PRIM2: variants seen among roughly 807,000 people sequenced by gnomAD.
PRIM2 encodes DNA primase large subunit.
PRIM2 carries 39 observed loss-of-function variants against 67.3 expected under a neutral mutation model. The ratio of observed to expected loss-of-function variants is 0.58; its 90% CI spans 0.45 to 0.76. The LOEUF is 0.76. Ranked by LOEUF, PRIM2 falls within the 30% of genes least tolerant of loss-of-function variation. The pLI is 0.00. For missense variants in PRIM2, 398 were observed against 598.7 expected, an observed-to-expected ratio of 0.66 and a Z score of 3.50; for synonymous variants, 143 against 198.7, an observed-to-expected ratio of 0.72 and a Z score of 2.36.
chr6:57,559,585 A>C (rs1382615493), intron 10 of PRIM2, among the ~76,000 whole-genome samples: 1 of 152,168 alleles, frequency 6.6e-6, no homozygotes, highest in Non-Finnish European at 1.5e-5. Context: ...AGTACATAGG[A>C]TACTTGACGG....
the PRIM2 span, among the ~76,000 whole-genome samples, chr6:57,274,176 C>T: frequency 1.3e-5 from 2 of 152,236 alleles, no homozygotes; most frequent in Admixed American, 6.5e-5. Flanking sequence ...ACATTTATGT[C>T]TGCAGAGGTT....
At chr6:57,567,785 T>A (rs2127480410) in intron 10 of PRIM2, among the ~76,000 whole-genome samples, 1 of 152,150 alleles carries the variant, frequency 6.6e-6, no homozygotes, top group East Asian at 1.9e-4. Flanking sequence ...GGGGGAGATT[T>A]TTTATAGACA....
At chr6:57,571,254 TATTATC>T (rs1775857611) in intron 10 of PRIM2, among the ~76,000 whole-genome samples, 1 of 152,174 alleles carries the variant, frequency 6.6e-6, no homozygotes, top group Non-Finnish European at 1.5e-5. Flanking sequence ...TTCTTTAAAT[TATTATC>T]AAAGCAAAAG....
intron 10 of PRIM2, among the ~76,000 whole-genome samples, chr6:57,562,092 C>G (rs1340037994): frequency 6.6e-6 from 1 of 152,058 alleles, no homozygotes; most frequent in Non-Finnish European, 1.5e-5. Context: ...AGTTTGCTGT[C>G]TTAGGTGGGT....
At chr6:57,517,031 A>G (rs1774501477) in intron 8 of PRIM2, among the ~76,000 whole-genome samples, 2 of 152,154 alleles carry the variant, frequency 1.3e-5, no homozygotes, top group Non-Finnish European at 2.9e-5. Flanking sequence ...TCTGACTCCA[A>G]AGTTTCTCAG....
chr6:57,237,730 G>A, the PRIM2 span, among the ~76,000 whole-genome samples: 1 of 152,110 alleles, frequency 6.6e-6, no homozygotes, highest in Non-Finnish European at 1.5e-5. Context: ...AGTTGCAGAT[G>A]TGTGGTATTA....
chr6:57,229,212 A>C, the PRIM2 span, among the ~76,000 whole-genome samples: 1 of 152,156 alleles, frequency 6.6e-6, no homozygotes, highest in Non-Finnish European at 1.5e-5. Flanking sequence ...TGGAACTCCT[A>C]TTAAGAGAGG....
chr6:57,603,166 A>G (rs1776500769), intron 11 of PRIM2, among the ~76,000 whole-genome samples: 1 of 151,878 alleles, frequency 6.6e-6, no homozygotes, highest in African/African-American at 2.4e-5. Flanking sequence ...TACACGTTAT[A>G]CCTTTTATAG....
chr6:57,283,611 G>A, the PRIM2 span, among the ~76,000 whole-genome samples: 3 of 151,932 alleles, frequency 2.0e-5, no homozygotes, highest in African/African-American at 7.3e-5. Context: ...CTTTTTTTCA[G>A]CCTCAACTCT....
At chr6:57,234,229 G>C in the PRIM2 span, among the ~76,000 whole-genome samples, 3 of 152,122 alleles carry the variant, frequency 2.0e-5, no homozygotes, top group Admixed American at 2.0e-4. Flanking sequence ...AATTGTAAAA[G>C]AGCAAAAACA....
chr6:57,589,157 T>C (rs1324816395), intron 10 of PRIM2, among the ~76,000 whole-genome samples: 2 of 152,170 alleles, frequency 1.3e-5, no homozygotes, highest in East Asian at 3.9e-4. Context: ...AACAGGCAGA[T>C]AAGTTGATTT....
At chr6:57,247,134 G>A in the PRIM2 span, among the ~76,000 whole-genome samples, 5 of 152,308 alleles carry the variant, frequency 3.3e-5, no homozygotes, top group Admixed American at 2.0e-4. Context: ...GATTACAGGC[G>A]TGAGCCACAC....
the PRIM2 span, among the ~76,000 whole-genome samples, chr6:57,288,382 G>T: frequency 6.6e-6 from 1 of 152,186 alleles, no homozygotes; most frequent in Admixed American, 6.5e-5. Context: ...CAGAACAAAA[G>T]GCAGCAGACA....
At chr6:57,224,353 G>A in the PRIM2 span, among the ~76,000 whole-genome samples, 4 of 152,178 alleles carry the variant, frequency 2.6e-5, no homozygotes, top group African/African-American at 9.7e-5. Flanking sequence ...GACAAATGCT[G>A]TATGATTCAA....
chr6:57,305,209 C>T, the PRIM2 span, among the ~76,000 whole-genome samples: 3 of 152,156 alleles, frequency 2.0e-5, no homozygotes, highest in Non-Finnish European at 4.4e-5. Flanking sequence ...CAAAAATCAG[C>T]CAACTGAGAG....
intron 10 of PRIM2, among the ~76,000 whole-genome samples, chr6:57,574,456 A>G (rs1296679847): frequency 6.6e-5 from 10 of 152,240 alleles, no homozygotes; most frequent in Non-Finnish European, 1.5e-4. Flanking sequence ...AAGGACCTGG[A>G]CAACTCACGA....
chr6:57,399,577 A>C (rs762636529), intron 7 of PRIM2, among the ~76,000 whole-genome samples: 1 of 152,178 alleles, frequency 6.6e-6, no homozygotes, highest in Non-Finnish European at 1.5e-5. Flanking sequence ...TGCTGGGTCA[A>C]ATGGTATTTC....
chr6:57,241,737 A>C, the PRIM2 span, among the ~76,000 whole-genome samples: 6 of 137,002 alleles, frequency 4.4e-5, no homozygotes, highest in Admixed American at 4.9e-4. Flanking sequence ...CAGTGGCACG[A>C]TCTCGGCTCA....
At chr6:57,287,072 CT>C in the PRIM2 span, among the ~76,000 whole-genome samples, 1 of 152,176 alleles carries the variant, frequency 6.6e-6, no homozygotes, top group Non-Finnish European at 1.5e-5. Flanking sequence ...CATCTCCTGC[CT>C]GTTAGAATGG....
Sources: gnomAD v4.1 joint callset for allele counts (sites outside exome capture counted in the v4.1 genomes callset) on GRCh38, gnomAD v4.1.1 for gene constraint, MANE v1.5 for transcripts, NCBI Gene and HGNC (gene_info 2026-07-23, HGNC 2026-07-21) for gene names.